The following RGS17 variants were observed in gnomAD, a reference collection of about 807,000 sequenced individuals.
The protein encoded by RGS17 is regulator of G protein signaling 17.
A neutral mutation model predicts 25.5 loss-of-function variants in RGS17; 12 were observed. The observed-to-expected ratio is 0.47, with a 90% CI of 0.30 to 0.76. The LOEUF is 0.76. Among genes scored for constraint, RGS17 ranks in the 30% least tolerant of loss-of-function variants. The pLI is 0.07. For synonymous variants in RGS17, 71 were observed against 76.9 expected, an observed-to-expected ratio of 0.92 and a Z score of 0.40; for missense variants, 196 against 242.2, an observed-to-expected ratio of 0.81 and a Z score of 1.27.
intron 1 of RGS17, among the ~76,000 whole-genome samples, chr6:153,119,817 CA>C (rs1777599967): frequency 6.6e-6 from 1 of 152,138 alleles, no homozygotes; most frequent in Admixed American, 6.5e-5. Context: ...AAATGTGTTC[CA>C]GGGGCACTGC....
chr6:153,071,251 G>A (rs912084344), intron 1 of RGS17, among the ~76,000 whole-genome samples: 1 of 150,608 alleles, frequency 6.6e-6, no homozygotes, highest in African/African-American at 2.4e-5. Flanking sequence ...TAAACTATAA[G>A]GTACTGAGCA....
chr6:153,106,521 T>G (rs1301662716), intron 1 of RGS17, among the ~76,000 whole-genome samples: 1 of 151,850 alleles, frequency 6.6e-6, no homozygotes, highest in Admixed American at 6.6e-5. Context: ...GGACTTTTTT[T>G]TTTTCAGGAA....
At chr6:153,090,863 A>G (rs1394281922) in intron 1 of RGS17, among the ~76,000 whole-genome samples, 1 of 151,790 alleles carries the variant, frequency 6.6e-6, no homozygotes, top group African/African-American at 2.4e-5. Flanking sequence ...ATATATATAT[A>G]GGGTTCTGTG....
chr6:153,108,583 G>C (rs1451061045), intron 1 of RGS17, among the ~76,000 whole-genome samples: 1 of 151,698 alleles, frequency 6.6e-6, no homozygotes, highest in East Asian at 2.0e-4. Flanking sequence ...CAAGAGGGTG[G>C]AATCTCCTTC....
In RGS17 at chr6:153,008,875, CTTAGAAAATTAG is replaced by C. The variant is rs1306105674; in HGVS notation, c.*2687_*2698del. On this transcript the variant is annotated 3_prime_UTR_variant, in exon 5 of 5. Coordinates refer to ENST00000206262, the MANE Select transcript of RGS17 (RefSeq NM_012419.5). ...CTTAAACAGAAGGAATTATATCATA[CTTAGAAAATTAG>C]TAGAGTTGCAAATATACAGACATAC... The C allele has an allele frequency of 2.0e-5, 3 of 152,092 alleles. No individual in the cohort carries two copies. Among genetic ancestry groups the C allele is most frequent in the Middle Eastern group, 3.2e-3 (1 of 316 alleles). The allele number at this position is 152,092 out of a possible 1,614,324, so 9.4% of individuals were successfully genotyped here. A position where few individuals can be genotyped will look rare whatever the true frequency, so the allele number is the denominator to read the frequency against.
rs3083488 is a variant in RGS17, at chr6:153,097,290, A to ATTTTTTTTT, written c.-26+33825_-26+33833dup. ...GGGCTTAGACAATAGCGTTTTTTTG[A>ATTTTTTTTT]TTTTTTTTTTTTTTTTTTTTTTTTT... On this transcript the variant is annotated intron_variant, in intron 1 of 4. Transcript: ENST00000206262. Among the ~76,000 whole-genome samples the ATTTTTTTTT allele has an allele frequency of 2.3e-5, 2 of 88,302 alleles. 1 individual carries two copies. The highest frequency in any genetic ancestry group is 9.2e-5 in the African/African-American group (2 of 21,736). The allele number at this position is 88,302 out of a possible 152,430, so 57.9% of individuals were successfully genotyped here.
intron 4 of RGS17, 50 bp downstream of exon 4, chr6:153,024,212 G>A (rs1279982195): frequency 3.7e-5 from 47 of 1,272,760 alleles, no homozygotes; most frequent in Middle Eastern, 2.2e-4. Context: ...ATCCCTTGAC[G>A]GTTATCCTTG....
chr6:153,027,573 A>G (rs598662), intron 2 of RGS17, among the ~76,000 whole-genome samples: 65,781 of 151,976 alleles, frequency 0.43, 14,430 homozygotes, highest in South Asian at 0.54. Flanking sequence ...CAAAATAAGA[A>G]GCAATGGAAA....
chr6:153,086,418 T>C (rs674882), intron 1 of RGS17, among the ~76,000 whole-genome samples: 75,700 of 152,008 alleles, frequency 0.5, 19,497 homozygotes, highest in Non-Finnish European at 0.56. Flanking sequence ...CCGTAAGTTA[T>C]GCTGAAAAGA....
At chr6:153,117,191 C>T (rs867466596) in intron 1 of RGS17, among the ~76,000 whole-genome samples, 9 of 151,968 alleles carry the variant, frequency 5.9e-5, no homozygotes, top group African/African-American at 9.7e-5. Flanking sequence ...ACAATCATGG[C>T]GGAAGGTGAA....
intron 1 of RGS17, among the ~76,000 whole-genome samples, chr6:153,102,289 C>T (rs1777315520): frequency 6.6e-6 from 1 of 152,178 alleles, no homozygotes; most frequent in Non-Finnish European, 1.5e-5. Context: ...CACATCTTAC[C>T]TGTCAAGTAA....
intron 1 of RGS17, among the ~76,000 whole-genome samples, chr6:153,092,411 G>T (rs919532517): frequency 1.3e-5 from 2 of 152,152 alleles, no homozygotes; most frequent in African/African-American, 4.8e-5. Flanking sequence ...TTACCAATAT[G>T]TTTCATGAAG....
chr6:153,127,478 G>C (rs1399315883), intron 1 of RGS17, among the ~76,000 whole-genome samples: 1 of 152,144 alleles, frequency 6.6e-6, no homozygotes, highest in African/African-American at 2.4e-5. Flanking sequence ...CTTGCATCCT[G>C]CCTTCATCCC....
rs575552396 is a variant in RGS17, at chr6:153,127,262, G to A, written c.-26+3862C>T. ...CCCAACAAGTCATGGGCTGGTACCC[G>A]TCTGCAGCTCAGGGGTTGGGGACCC... On this transcript the variant is annotated intron_variant, in intron 1 of 4. Transcript: ENST00000206262. Among the ~76,000 whole-genome samples, 419 of 152,260 alleles carry A rather than the reference G, an allele frequency of 2.8e-3. 4 individuals are homozygous for A. Among genetic ancestry groups the A allele is most frequent in the African/African-American group, 9.5e-3 (396 of 41,546 alleles).
At chr6:153,110,421 A>AACAGACACAC (rs1461888935) in intron 1 of RGS17, among the ~76,000 whole-genome samples, 1 of 68,778 alleles carries the variant, frequency 1.5e-5, no homozygotes. Context: ...CTTTACTGCC[A>AACAGACACAC]ACATACACAC....
intron 1 of RGS17, among the ~76,000 whole-genome samples, chr6:153,119,132 C>G (rs1371058890): frequency 6.6e-6 from 1 of 152,176 alleles, no homozygotes; most frequent in Non-Finnish European, 1.5e-5. Flanking sequence ...TCCTTTGACA[C>G]TTTTCTACTA....
chr6:153,108,993 C>G (rs142813197), intron 1 of RGS17, among the ~76,000 whole-genome samples: 306 of 152,210 alleles, frequency 2.0e-3, no homozygotes, highest in Middle Eastern at 0.014. Context: ...ACAGTGCTAG[C>G]ACATAGTGGG....
intron 4 of RGS17, among the ~76,000 whole-genome samples, chr6:153,015,779 G>A (rs1291950442): frequency 6.6e-6 from 1 of 151,666 alleles, no homozygotes; most frequent in Non-Finnish European, 1.5e-5. Context: ...TCAGCCTCCT[G>A]AGTAGCGGGG....
At chr6:153,109,109 T>TAAAAC (rs10647633) in intron 1 of RGS17, among the ~76,000 whole-genome samples, 70,789 of 151,640 alleles carry the variant, frequency 0.47, 17,121 homozygotes, top group East Asian at 0.85. Flanking sequence ...AAATAAACGA[T>TAAAAC]AATACAGGAA....
Sources: gnomAD v4.1 joint callset for allele counts (sites outside exome capture counted in the v4.1 genomes callset) on GRCh38, gnomAD v4.1.1 for gene constraint, MANE v1.5 for transcripts, NCBI Gene and HGNC (gene_info 2026-07-23, HGNC 2026-07-21) for gene names.